The following NRG1 variants were observed in gnomAD, a reference collection of about 807,000 sequenced individuals.
NRG1 encodes pro-neuregulin-1, membrane-bound isoform.
In NRG1, 18 loss-of-function variants were observed where a neutral mutation model predicts 63.8. The ratio of observed to expected loss-of-function variants is 0.28; its 90% CI spans 0.19 to 0.42. NRG1 has a LOEUF of 0.42. Ranked by LOEUF, NRG1 falls within the 10% of genes least tolerant of loss-of-function variation. NRG1 has a pLI of 1.00. For synonymous variants in NRG1, 302 were observed against 301.3 expected, an observed-to-expected ratio of 1.00 and a Z score of -0.02; for missense variants, 762 against 814.7, an observed-to-expected ratio of 0.94 and a Z score of 0.79.
chr8:32,635,452 A>G (rs923904806), intron 5 of NRG1, among the ~76,000 whole-genome samples: 1 of 152,216 alleles, frequency 6.6e-6, no homozygotes, highest in African/African-American at 2.4e-5. Flanking sequence ...GTTCATTTCA[A>G]TGCTGCACAG....
intron 1 of NRG1, among the ~76,000 whole-genome samples, chr8:32,366,824 C>G (rs1245365242): frequency 3.3e-5 from 5 of 150,986 alleles, no homozygotes; most frequent in Non-Finnish European, 5.9e-5. Flanking sequence ...GATTCTCATG[C>G]CTCAGTCTCC....
intron 1 of NRG1, among the ~76,000 whole-genome samples, chr8:31,698,251 A>T (rs1001766717): frequency 6.6e-5 from 10 of 152,084 alleles, no homozygotes; most frequent in African/African-American, 2.4e-4. Flanking sequence ...GAGATGTTTG[A>T]TTTTATCCTT....
chr8:31,878,728 G>A (rs762820054), intron 1 of NRG1, among the ~76,000 whole-genome samples: 9 of 152,116 alleles, frequency 5.9e-5, no homozygotes, highest in Non-Finnish European at 1.0e-4. Context: ...AGTTCATGTA[G>A]GAATCGAGGT....
At chr8:32,502,543 T>TTC (rs201785607) in intron 1 of NRG1, among the ~76,000 whole-genome samples, 3 of 148,902 alleles carry the variant, frequency 2.0e-5, no homozygotes, top group African/African-American at 5.0e-5. Flanking sequence ...CTCTCTTCTG[T>TTC]TCTCTCTCTC....
intron 1 of NRG1, among the ~76,000 whole-genome samples, chr8:32,495,262 A>G: frequency 6.6e-6 from 1 of 152,126 alleles, no homozygotes; most frequent in East Asian, 1.9e-4. Context: ...TGTTCTTGTG[A>G]TAGTCAATAA....
chr8:32,076,028 G>A (rs1166047901), intron 1 of NRG1, among the ~76,000 whole-genome samples: 1 of 152,136 alleles, frequency 6.6e-6, no homozygotes, highest in Non-Finnish European at 1.5e-5. Context: ...GGTTGAATTT[G>A]TGGAAGCCAA....
chr8:32,234,257 G>A (rs1022606076), intron 1 of NRG1, among the ~76,000 whole-genome samples: 7 of 151,982 alleles, frequency 4.6e-5, no homozygotes, highest in East Asian at 1.9e-4. Flanking sequence ...TAATTTTAAC[G>A]AAAATGAAGA....
chr8:32,123,374 A>G (rs1023505892), intron 1 of NRG1, among the ~76,000 whole-genome samples: 9 of 151,876 alleles, frequency 5.9e-5, no homozygotes, highest in African/African-American at 1.4e-4. Flanking sequence ...GTTCCCCTAC[A>G]CAAGTTCTCT....
chr8:32,111,251 G>A (rs1831987399), intron 1 of NRG1, among the ~76,000 whole-genome samples: 1 of 152,038 alleles, frequency 6.6e-6, no homozygotes, highest in South Asian at 2.1e-4. Flanking sequence ...AGAGTTGCTG[G>A]GATTACAGGG....
At chr8:32,511,400 A>ATATATAT (rs1554567530) in intron 1 of NRG1, among the ~76,000 whole-genome samples, 5 of 108,556 alleles carry the variant, frequency 4.6e-5, no homozygotes, top group Admixed American at 8.9e-5. Context: ...TATATATATA[A>ATATATAT]ATAAAATAAA....
Position 32,246,638 on chromosome 8 carries a change from TG to T in NRG1, c.38-349189del, listed in dbSNP as rs535381334. Among the ~76,000 whole-genome samples, 6 of 152,280 alleles carry T rather than the reference TG, an allele frequency of 3.9e-5. No homozygotes were observed. In the East Asian group the frequency reaches 1.2e-3, roughly 29 times the overall value. ...ATGACAAAAGCCTTAAAAATTACTT[TG>T]AAAAATCATTTTCAAACGTGAAAGA... is the stretch of plus-strand genomic sequence containing the variant. On this transcript the variant is annotated intron_variant, in intron 1 of 10. Transcript: ENST00000519301.
intron 1 of NRG1, among the ~76,000 whole-genome samples, chr8:32,407,275 T>C (rs1182621714): frequency 8.4e-5 from 4 of 47,602 alleles, no homozygotes; most frequent in Non-Finnish European, 1.3e-4. Context: ...TATATATATA[T>C]TATATATATA....
At chr8:31,902,206 G>T (rs981103218) in intron 1 of NRG1, among the ~76,000 whole-genome samples, 1 of 152,140 alleles carries the variant, frequency 6.6e-6, no homozygotes, top group African/African-American at 2.4e-5. Flanking sequence ...AAGCTCTGTG[G>T]CATTGAACTA....
chr8:32,365,697 G>C (rs1807878836), intron 1 of NRG1, among the ~76,000 whole-genome samples: 1 of 152,142 alleles, frequency 6.6e-6, no homozygotes, highest in African/African-American at 2.4e-5. Flanking sequence ...GGGCGAAAAA[G>C]CAGCCACAGA....
intron 1 of NRG1, among the ~76,000 whole-genome samples, chr8:31,786,115 T>C (rs1288488604): frequency 6.6e-6 from 1 of 151,924 alleles, no homozygotes; most frequent in Non-Finnish European, 1.5e-5. Context: ...TGCTTGGAGG[T>C]TTGGGGTTGA....
At chr8:32,128,546 T>G (rs1585503495) in intron 1 of NRG1, among the ~76,000 whole-genome samples, 1 of 152,000 alleles carries the variant, frequency 6.6e-6, no homozygotes, top group African/African-American at 2.4e-5. Flanking sequence ...TAAAATTACA[T>G]GTGAAAGTCC....
intron 1 of NRG1, among the ~76,000 whole-genome samples, chr8:31,756,222 C>T (rs997900422): frequency 6.6e-6 from 1 of 152,150 alleles, no homozygotes; most frequent in African/African-American, 2.4e-5. Flanking sequence ...TTACTCTTTA[C>T]AAACATACTA....
At chr8:32,243,029 C>T (rs1848263917) in intron 1 of NRG1, among the ~76,000 whole-genome samples, 1 of 152,072 alleles carries the variant, frequency 6.6e-6, no homozygotes, top group African/African-American at 2.4e-5. Flanking sequence ...CTGGGTCCTT[C>T]TCCTTGGCTT....
chr8:32,415,981 G>T (rs577529084), intron 1 of NRG1, among the ~76,000 whole-genome samples: 1 of 152,308 alleles, frequency 6.6e-6, no homozygotes, highest in African/African-American at 2.4e-5. Context: ...GTAGGAAAAG[G>T]ATAGGAATGA....
Sources: allele counts gnomAD v4.1 joint callset (sites outside exome capture counted in the v4.1 genomes callset), GRCh38; gene constraint gnomAD v4.1.1; transcripts MANE v1.5; gene names NCBI Gene and HGNC (gene_info 2026-07-23, HGNC 2026-07-21).